DTNA: variants seen among roughly 807,000 people sequenced by gnomAD.
DTNA encodes the protein dystrophin-related protein 3.
A neutral mutation model predicts 100.7 loss-of-function variants in DTNA; 43 were observed. The ratio of observed to expected loss-of-function variants is 0.43; its 90% confidence interval spans 0.33 to 0.55. The LOEUF (loss-of-function observed/expected upper bound fraction) is 0.55, where lower values mean the gene tolerates loss of function less well. Among genes scored for constraint, DTNA ranks in the 20% least tolerant of loss-of-function variants. The probability of loss-of-function intolerance (pLI) is 0.04; values close to 1 mark genes in which losing one functional copy is unlikely to be tolerated. For missense variants in DTNA, 798 were observed against 953.9 expected (o/e 0.84, Z 2.15); for synonymous variants, 349 against 347.9 (o/e 1.00, Z -0.04).
intron 1 of DTNA, among the ~76,000 whole-genome samples, chr18:34,691,328 T>C (rs1448923099): frequency 6.6e-6 from 1 of 152,228 alleles, no homozygotes; most frequent in Non-Finnish European, 1.5e-5. Context: ...ATCTCAAATA[T>C]GCCATTGCTC....
chr18:34,528,536 G>A (rs1040533869), intron 1 of DTNA, among the ~76,000 whole-genome samples: 5 of 151,928 alleles, frequency 3.3e-5, no homozygotes, highest in African/African-American at 9.7e-5. Flanking sequence ...AGCAAATGAG[G>A]ATATACTCCG....
At chr18:34,521,949 G>A (rs565401379) in intron 1 of DTNA, among the ~76,000 whole-genome samples, 1 of 152,206 alleles carries the variant, frequency 6.6e-6, no homozygotes, top group South Asian at 2.1e-4. Flanking sequence ...TCTGTTTCTT[G>A]TTCACCTTTA....
chr18:34,879,657 C>T lies in DTNA; in HGVS notation c.2100C>T (p.Ile700=). ...CTGAAAAGGCTTTTCTAGCGCAAAT[C>T]CATGCCCGAAAACCTGGGTACATTC... is the stretch of plus-strand genomic sequence containing the variant. ...PTSEKAFLAQ[I]HARKPGYIHS... is the part of the protein sequence containing the mutation. Residue 700 remains isoleucine (I), a synonymous_variant, in exon 20 of 23, where the codon ATC becomes ATT. Transcript: ENST00000444659. The T allele has an allele frequency of 1.2e-6, 2 of 1,614,088 alleles. No individual in the cohort carries two copies. The highest frequency in any genetic ancestry group is 3.3e-5 in the Admixed American group (2 of 60,014).
At chr18:34,861,328 A>C (rs1175242854) in intron 16 of DTNA, among the ~76,000 whole-genome samples, 2 of 151,892 alleles carry the variant, frequency 1.3e-5, no homozygotes, top group Non-Finnish European at 2.9e-5. Flanking sequence ...TACTAAAAAT[A>C]CAAAAATATT....
chr18:34,498,531 C>G (rs1260495712), intron 1 of DTNA, among the ~76,000 whole-genome samples: 1 of 151,332 alleles, frequency 6.6e-6, no homozygotes, highest in African/African-American at 2.4e-5. Context: ...GTAGACTTAT[C>G]AATAACTGAT....
intron 1 of DTNA, among the ~76,000 whole-genome samples, chr18:34,692,219 C>G (rs1175402675): frequency 6.6e-6 from 1 of 152,126 alleles, no homozygotes; most frequent in African/African-American, 2.4e-5. Context: ...GATCCTAACA[C>G]TTTATCCAGC....
intron 1 of DTNA, among the ~76,000 whole-genome samples, chr18:34,583,713 C>A (rs2048856166): frequency 6.6e-6 from 1 of 151,854 alleles, no homozygotes; most frequent in Admixed American, 6.6e-5. Context: ...CATTGAGAAC[C>A]CTCAAAAGAC....
intron 16 of DTNA, among the ~76,000 whole-genome samples, chr18:34,862,113 A>G (rs2150122638): frequency 6.8e-6 from 1 of 147,954 alleles, no homozygotes; most frequent in African/African-American, 2.5e-5. Context: ...AACACCATAC[A>G]CAGACAAGGT....
rs146923532 is a variant in DTNA, at chr18:34,794,131, A to G, written c.243A>G (p.Leu81=). The part of the protein sequence containing the change: ...DPNTELNVSR[L]EAVLSTIFYQ... ...ACACTGAACTCAACGTGTCCCGCTT[A>G]GAGGCTGTGCTCTCCACTATTTTTT... Residue 81 remains leucine, a synonymous_variant, in exon 4 of 23, where the codon TTA becomes TTG. Coordinates refer to ENST00000444659, the MANE Select transcript of DTNA (RefSeq NM_001386795.1). 3.6e-3 allele frequency: 5,814 copies of G among 1,614,168 alleles called. 14 individuals are homozygous for G. The highest frequency in any genetic ancestry group is 4.4e-3 in the Non-Finnish European group (5,222 of 1,180,016).
intron 1 of DTNA, among the ~76,000 whole-genome samples, chr18:34,540,136 A>G (rs1471058453): frequency 6.6e-6 from 1 of 151,942 alleles, no homozygotes; most frequent in Non-Finnish European, 1.5e-5. Flanking sequence ...ATAATATTAC[A>G]TAAAATTGAG....
At chr18:34,862,124 C>CAAAA (rs1002538086) in intron 16 of DTNA, among the ~76,000 whole-genome samples, 14 of 56,186 alleles carry the variant, frequency 2.5e-4, no homozygotes, top group Non-Finnish European at 3.6e-4. Context: ...CAGACAAGGT[C>CAAAA]AAAAAAAAAA....
chr18:34,604,177 GGT>G (rs1166014223), intron 1 of DTNA, among the ~76,000 whole-genome samples: 1 of 152,044 alleles, frequency 6.6e-6, no homozygotes, highest in Non-Finnish European at 1.5e-5. Context: ...GGCGTGACCG[GGT>G]GTGTGTCCTT....
chr18:34,888,809 C>A lies in DTNA; in HGVS notation c.*1075C>A, dbSNP rs1423213588. 1.0e-6 allele frequency: 1 copy of A among 985,738 alleles called. No individual in the cohort carries two copies. Among genetic ancestry groups the A allele is most frequent in the African/African-American group, 1.7e-5 (1 of 57,226 alleles). The allele number at this position is 985,738 out of a possible 1,614,324, so 61.1% of individuals were successfully genotyped here. On this transcript the variant is annotated 3_prime_UTR_variant, in exon 23 of 23. Coordinates refer to ENST00000444659, the MANE Select transcript of DTNA (RefSeq NM_001386795.1). ...TTCCCCCATCAAGTTGTTTGGAGGC[C>A]TTCAGCTTTAAATGTACAGGCTTAA...
intron 1 of DTNA, among the ~76,000 whole-genome samples, chr18:34,629,677 T>C (rs1423707691): frequency 6.6e-6 from 1 of 152,206 alleles, no homozygotes; most frequent in Non-Finnish European, 1.5e-5. Flanking sequence ...TCTTTAGTCC[T>C]CCAGGCCACC....
chr18:34,764,752 T>G (rs763557577), intron 2 of DTNA, among the ~76,000 whole-genome samples: 1 of 152,242 alleles, frequency 6.6e-6, no homozygotes, highest in Non-Finnish European at 1.5e-5. Context: ...TCCAGGATAG[T>G]TCATTTACTT....
At chr18:34,501,489 A>C (rs944196131) in intron 1 of DTNA, among the ~76,000 whole-genome samples, 1 of 152,122 alleles carries the variant, frequency 6.6e-6, no homozygotes, top group South Asian at 2.1e-4. Flanking sequence ...ATGAATAGGG[A>C]TGTGTTCCCT....
intron 1 of DTNA, among the ~76,000 whole-genome samples, chr18:34,520,647 C>A (rs1201962918): frequency 6.6e-6 from 1 of 151,972 alleles, no homozygotes; most frequent in African/African-American, 2.4e-5. Flanking sequence ...AGAGCAAAAA[C>A]CCCGTCTCAA....
chr18:34,661,384 T>C (rs1261414008), intron 1 of DTNA, among the ~76,000 whole-genome samples: 3 of 152,200 alleles, frequency 2.0e-5, no homozygotes, highest in Non-Finnish European at 4.4e-5. Flanking sequence ...TGGCCCTGCC[T>C]TCTGTTAGAG....
chr18:34,636,080 T>G (rs1220550993), intron 1 of DTNA, among the ~76,000 whole-genome samples: 1 of 152,250 alleles, frequency 6.6e-6, no homozygotes, highest in Non-Finnish European at 1.5e-5. Context: ...GCAGCAAGTC[T>G]TTATGTATAC....
Sources: gnomAD v4.1 joint callset for allele counts (sites outside exome capture counted in the v4.1 genomes callset) on GRCh38, gnomAD v4.1.1 for gene constraint, MANE v1.5 for transcripts, NCBI Gene and HGNC (gene_info 2026-07-23, HGNC 2026-07-21) for gene names.